Variants in USP32 observed in about 807,000 individuals in gnomAD.
USP32 encodes the protein ubiquitin specific peptidase 32.
USP32 carries 59 observed loss-of-function variants against 204.8 expected under a neutral mutation model. The observed-to-expected ratio is 0.29, with a 90% CI of 0.23 to 0.36. The LOEUF is 0.36. USP32 is among the 10% of genes least tolerant of loss of function. The pLI is 1.00. For missense variants in USP32, 1,160 were observed against 1,946.4 expected (o/e 0.60, Z 7.60); for synonymous variants, 517 against 678.4 (o/e 0.76, Z 3.70).
chr17:60,340,969 CT>C (rs1266889912), intron 2 of USP32, among the ~76,000 whole-genome samples: 2 of 151,792 alleles, frequency 1.3e-5, no homozygotes, highest in African/African-American at 2.4e-5. Flanking sequence ...GTTGAAAATT[CT>C]TTTCTTTAAG....
At chr17:60,265,548 T>C in intron 8 of USP32, 74 bp from the exon 9 acceptor site, 1 of 997,972 alleles carries the variant, frequency 1.0e-6, no homozygotes, top group Non-Finnish European at 1.5e-6. Context: ...ATGGCTAAAG[T>C]ATATTAAGCA....
chr17:60,390,876 G>C (rs2089821693), intron 1 of USP32, among the ~76,000 whole-genome samples: 1 of 109,298 alleles, frequency 9.1e-6, no homozygotes, highest in Non-Finnish European at 2.0e-5. Context: ...ATGTCTAAAA[G>C]AAATACAAGC....
chr17:60,299,732 C>G lies in USP32; in HGVS notation c.292+1867G>C, dbSNP rs75881189. On this transcript the variant is annotated intron_variant, in intron 3 of 33. Transcript: ENST00000300896. ...TTTAGAAGCAGTCTCAGGGCAGCAGCTTAGTCTGTTGAGGCTGCTGTAACA... is the reference window on the plus strand; with the variant it reads ...TTTAGAAGCAGTCTCAGGGCAGCAGGTTAGTCTGTTGAGGCTGCTGTAACA... Among the ~76,000 whole-genome samples, 1,445 of 152,284 alleles carry G rather than the reference C, an allele frequency of 9.5e-3. 33 individuals carry two copies. The highest frequency in any genetic ancestry group is 0.033 in the African/African-American group (1,390 of 41,548).
intron 1 of USP32, among the ~76,000 whole-genome samples, chr17:60,351,879 T>G (rs1163802219): frequency 6.6e-6 from 1 of 152,026 alleles, no homozygotes; most frequent in Non-Finnish European, 1.5e-5. Flanking sequence ...AGGTATTCAA[T>G]GGAGTTCCAA....
chr17:60,208,480 G>A (rs1206399419), intron 23 of USP32, among the ~76,000 whole-genome samples, 174 bp downstream of exon 23: 5 of 152,076 alleles, frequency 3.3e-5, no homozygotes, highest in African/African-American at 1.2e-4. Flanking sequence ...AAAAAAACAT[G>A]CCCCAGTCTA....
Position 60,205,467 on chromosome 17 carries a change from T to C in USP32, c.3229A>G (p.Ile1077Val), listed in dbSNP as rs370708574. The change falls in exon 26 of 34, where the codon ATT becomes GTT. Residue 1077 changes from isoleucine to valine, a missense_variant. By Grantham distance (29) the Ile-to-Val change is conservative (BLOSUM62 3). Around this residue, in one of 8 missense-constraint regions of USP32, gnomAD observed 160 missense variants for 322.5 expected, o/e 0.50. Transcript: ENST00000300896. Reference sequence around the variant, plus strand: ...CTAACCATTTTTCGGTGGACTGCAATGATGTAACCTGTAAAGGGGCTGTCA... The same window carrying C: ...CTAACCATTTTTCGGTGGACTGCAACGATGTAACCTGTAAAGGGGCTGTCA... ...LPDSPFTGYI[I>V]AVHRKMMRTE... 2 of 1,610,906 alleles carry C rather than the reference T, an allele frequency of 1.2e-6. No individual in the cohort carries two copies. Among genetic ancestry groups the C allele is most frequent in the Admixed American group, 3.3e-5 (2 of 59,770 alleles).
At chr17:60,392,604 C>A, upstream of USP32, 1 of 450,636 alleles carries the variant, frequency 2.2e-6, no homozygotes, top group Non-Finnish European at 4.5e-6. Flanking sequence ...GAATGGGGTT[C>A]TGAGGGATGC....
chr17:60,279,773 G>T (rs2086922948), intron 5 of USP32, among the ~76,000 whole-genome samples: 1 of 151,172 alleles, frequency 6.6e-6, no homozygotes. Context: ...GGAGGCGGAG[G>T]TTGCAATGAG....
At chr17:60,394,468 C>T (rs2146152640), upstream of USP32, among the ~76,000 whole-genome samples, 1 of 152,272 alleles carries the variant, frequency 6.6e-6, no homozygotes, top group South Asian at 2.1e-4. Flanking sequence ...GTGGCACTTG[C>T]CCCACTTGAA....
At chr17:60,371,547 C>A (rs1014866798) in intron 1 of USP32, among the ~76,000 whole-genome samples, 1 of 150,264 alleles carries the variant, frequency 6.7e-6, no homozygotes, top group Non-Finnish European at 1.5e-5. Flanking sequence ...CCAGCCTGGG[C>A]AACAGAGCAA....
chr17:60,342,727 C>T (rs1005934919), intron 2 of USP32, among the ~76,000 whole-genome samples: 28 of 152,228 alleles, frequency 1.8e-4, no homozygotes, highest in African/African-American at 6.5e-4. Context: ...ATGGGACCCG[C>T]TGAGTCAGGC....
At chr17:60,230,915 A>C (rs538493271) in intron 12 of USP32, among the ~76,000 whole-genome samples, 1 of 152,266 alleles carries the variant, frequency 6.6e-6, no homozygotes, top group Middle Eastern at 3.4e-3. Flanking sequence ...TGCTTGCGGA[A>C]ATTTTTGTTT....
intron 5 of USP32, among the ~76,000 whole-genome samples, chr17:60,283,887 A>T (rs1240472909): frequency 2.0e-5 from 3 of 152,232 alleles, no homozygotes; most frequent in Non-Finnish European, 4.4e-5. Flanking sequence ...TGATGAAGCA[A>T]AGAATGTACA....
At chr17:60,270,105 T>C (rs2086689883) in intron 6 of USP32, among the ~76,000 whole-genome samples, 1 of 152,222 alleles carries the variant, frequency 6.6e-6, no homozygotes, top group Non-Finnish European at 1.5e-5. Flanking sequence ...TATACATGAA[T>C]ATTTTAAATT....
intron 5 of USP32, among the ~76,000 whole-genome samples, chr17:60,271,812 C>CTTTT: frequency 7.0e-6 from 1 of 142,724 alleles, no homozygotes; most frequent in South Asian, 2.2e-4. Context: ...TTTTTTTCTT[C>CTTTT]TTTTTTTTTT....
intron 1 of USP32, among the ~76,000 whole-genome samples, chr17:60,356,818 T>C (rs1198553295): frequency 6.6e-6 from 1 of 152,120 alleles, no homozygotes; most frequent in Non-Finnish European, 1.5e-5. Flanking sequence ...AAATAGAAAC[T>C]GTCTGTAGGC....
At chr17:60,179,478 C>G in intron 33 of USP32, 50 bp from the exon 34 acceptor site, 3 of 1,594,744 alleles carry the variant, frequency 1.9e-6, no homozygotes, top group Non-Finnish European at 2.6e-6. Flanking sequence ...TACTATGGCT[C>G]TAAATCCTTG....
upstream of USP32, chr17:60,392,303 C>A (rs557246285): frequency 1.3e-4 from 46 of 351,172 alleles, no homozygotes; most frequent in East Asian, 2.6e-3. Context: ...GTAACGGCCG[C>A]CCAGGGCCGC....
intron 12 of USP32, among the ~76,000 whole-genome samples, chr17:60,232,162 C>CTTTTTCT (rs2085574083): frequency 3.8e-5 from 5 of 130,572 alleles, no homozygotes; most frequent in African/African-American, 1.5e-4. Flanking sequence ...CACTAATTTT[C>CTTTTTCT]TTTTTCTTTT....
Sources: allele counts gnomAD v4.1 joint callset (sites outside exome capture counted in the v4.1 genomes callset), GRCh38; gene constraint gnomAD v4.1.1; regional missense constraint gnomAD v4.1.1; transcripts MANE v1.5; gene names NCBI Gene and HGNC (gene_info 2026-07-23, HGNC 2026-07-21).